The following CPEB3 variants were observed in gnomAD, a reference collection of about 807,000 sequenced individuals.
The protein encoded by CPEB3 is cytoplasmic polyadenylation element binding protein 3.
A neutral mutation model predicts 67.2 loss-of-function variants in CPEB3; 20 were observed. The ratio of observed to expected loss-of-function variants is 0.30; its 90% CI spans 0.21 to 0.43. CPEB3 has a LOEUF of 0.43. CPEB3 is among the 20% of genes least tolerant of loss of function. The pLI, the probability that CPEB3 is intolerant of heterozygous loss-of-function variation, is 1.00. For missense variants in CPEB3, 746 were observed against 968.6 expected (o/e 0.77, Z 3.05); for synonymous variants, 376 against 393.1 (o/e 0.96, Z 0.51).
At chr10:92,095,421 G>A (rs1358298943) in intron 7 of CPEB3, among the ~76,000 whole-genome samples, 1 of 151,862 alleles carries the variant, frequency 6.6e-6, no homozygotes, top group Non-Finnish European at 1.5e-5. Flanking sequence ...AAATAATATT[G>A]TGGTACTATC....
intron 2 of CPEB3, among the ~76,000 whole-genome samples, chr10:92,218,224 T>C (rs1024933779): frequency 2.6e-5 from 4 of 152,054 alleles, no homozygotes; most frequent in Admixed American, 6.6e-5. Context: ...CTGACCAACA[T>C]GGTGAAACCT....
chr10:92,195,409 T>C (rs1393702162), intron 2 of CPEB3, among the ~76,000 whole-genome samples: 1 of 152,212 alleles, frequency 6.6e-6, no homozygotes, highest in Non-Finnish European at 1.5e-5. Context: ...TTGTTTTGGT[T>C]CAAGTTATTA....
At chr10:92,246,772 T>C (rs1852089411) in intron 1 of CPEB3, among the ~76,000 whole-genome samples, 1 of 152,080 alleles carries the variant, frequency 6.6e-6, no homozygotes, top group South Asian at 2.1e-4. Context: ...CCTCCCAAAG[T>C]GCTGGGATTA....
In CPEB3 at chr10:92,071,070, T is replaced by TACACACAC. The variant is rs58497259; in HGVS notation, c.1869+10242_1869+10249dup. ...TACAGTTTTCAAAAACACTTTCATT[T>TACACACAC]ACACACACACACACACACACACACA... On this transcript the variant is annotated intron_variant, in intron 9 of 9. Coordinates refer to ENST00000265997, the MANE Select transcript of CPEB3 (RefSeq NM_014912.5). Among the ~76,000 whole-genome samples the TACACACAC allele has an allele frequency of 4.4e-3, 657 of 147,710 alleles. 3 individuals are homozygous for TACACACAC. Among genetic ancestry groups the TACACACAC allele is most frequent in the African/African-American group, 0.015 (606 of 40,238 alleles).
At chr10:92,211,348 G>A (rs1029881307) in intron 2 of CPEB3, among the ~76,000 whole-genome samples, 2 of 152,096 alleles carry the variant, frequency 1.3e-5, no homozygotes, top group African/African-American at 4.8e-5. Context: ...CTCTGTATAT[G>A]TGTATTAATA....
At chr10:92,215,892 G>A (rs1323788173) in intron 2 of CPEB3, among the ~76,000 whole-genome samples, 1 of 150,758 alleles carries the variant, frequency 6.6e-6, no homozygotes, top group Non-Finnish European at 1.5e-5. Flanking sequence ...TGGAACTACA[G>A]GTGCGTGCCA....
intron 1 of CPEB3, chr10:92,243,331 C>T (rs1050212989): frequency 6.6e-6 from 1 of 152,044 alleles, no homozygotes; most frequent in Non-Finnish European, 1.5e-5. Flanking sequence ...AAGTCCTTCA[C>T]AAGGTACTCG....
At chr10:92,278,168 G>C (rs1479457924) in intron 1 of CPEB3, among the ~76,000 whole-genome samples, 1 of 150,646 alleles carries the variant, frequency 6.6e-6, no homozygotes, top group African/African-American at 2.4e-5. Context: ...CTGGGCGACA[G>C]AGCAAGGCTC....
rs1163974877 is a variant in CPEB3 at position 92,217,206 on chromosome 10, C to CAAAAAA, written c.1005+22134_1005+22139dup. 1.2e-3 allele frequency among the ~76,000 whole-genome samples: 31 copies of CAAAAAA among 25,452 alleles called. 3 individuals carry two copies. The highest frequency in any genetic ancestry group is 4.4e-3 in the African/African-American group (24 of 5,422). The allele number at this position is 25,452 out of a possible 152,430, so 16.7% of individuals were successfully genotyped here. On this transcript the variant is annotated intron_variant, in intron 2 of 9. Transcript: ENST00000265997. ...CTGGCGACACAGCGAGACTCTGCCT[C>CAAAAAA]AAAAAAAAAAAAAAAAAAAAAAAAA...
At chr10:92,092,150 C>G (rs1490193359) in intron 7 of CPEB3, among the ~76,000 whole-genome samples, 2 of 152,186 alleles carry the variant, frequency 1.3e-5, no homozygotes, top group Admixed American at 1.3e-4. Flanking sequence ...GTACTCAGCA[C>G]TCTAGACATA....
intron 9 of CPEB3, among the ~76,000 whole-genome samples, chr10:92,074,989 A>G (rs1304558125): frequency 6.6e-6 from 1 of 152,102 alleles, no homozygotes; most frequent in Non-Finnish European, 1.5e-5. Flanking sequence ...CACATTAGTG[A>G]GTGCCTGCTG....
intron 6 of CPEB3, among the ~76,000 whole-genome samples, chr10:92,119,540 G>A (rs560469925): frequency 1.2e-4 from 18 of 152,280 alleles, no homozygotes; most frequent in Middle Eastern, 3.4e-3. Flanking sequence ...CTGGGGACTG[G>A]GGGTGAGGGT....
intron 1 of CPEB3, among the ~76,000 whole-genome samples, chr10:92,246,104 G>C (rs1435821549): frequency 2.6e-5 from 4 of 152,082 alleles, no homozygotes; most frequent in African/African-American, 7.2e-5. Context: ...GGGAGGCCAA[G>C]GCAGGCGGAT....
At position 92,204,572 on chromosome 10, in the gene CPEB3, T is replaced by G. The variant is rs926713512; in HGVS notation, c.1006-11936A>C. On this transcript the variant is annotated intron_variant, in intron 2 of 9. Transcript: ENST00000265997. ...ATTTTAAAACAGGGAACCTGGTAAG[T>G]ACCAAAGAAATTCACTCCAAGTTCA... 9.9e-5 allele frequency among the ~76,000 whole-genome samples: 15 copies of G among 152,230 alleles called. No homozygotes were observed. In the East Asian group the frequency reaches 2.9e-3, roughly 29 times the overall value.
At chr10:92,098,770 C>CTTT (rs984013045) in intron 7 of CPEB3, among the ~76,000 whole-genome samples, 14 of 124,548 alleles carry the variant, frequency 1.1e-4, no homozygotes, top group East Asian at 2.2e-4. Flanking sequence ...TTCTTTTTTT[C>CTTT]TTTTTTTTTT....
At chr10:92,128,031 T>A (rs1406815648) in intron 6 of CPEB3, among the ~76,000 whole-genome samples, 1 of 152,150 alleles carries the variant, frequency 6.6e-6, no homozygotes, top group Non-Finnish European at 1.5e-5. Context: ...GATACAGATG[T>A]CCAAATTAGC....
At chr10:92,254,317 C>T (rs577853710) in intron 1 of CPEB3, among the ~76,000 whole-genome samples, 68 of 152,142 alleles carry the variant, frequency 4.5e-4, no homozygotes, top group African/African-American at 1.6e-3. Flanking sequence ...ATTCAATATT[C>T]CCTAGGTAAC....
rs183707564 is a variant in CPEB3 at position 92,109,399 on chromosome 10, C to T, written c.1572+1677G>A. On this transcript the variant is annotated intron_variant, in intron 7 of 9. Coordinates refer to ENST00000265997, the MANE Select transcript of CPEB3 (RefSeq NM_014912.5). ...TCCCAAGTAGCTGGGATTACAGGCA[C>T]GTGCCACCACCCCCAGCTATTTTTT... Among the ~76,000 whole-genome samples, 337 of 152,126 alleles carry T rather than the reference C, an allele frequency of 2.2e-3. 1 individual carries two copies. The highest frequency in any genetic ancestry group is 7.6e-3 in the African/African-American group (315 of 41,516).
chr10:92,145,187 T>C, intron 4 of CPEB3, 102 bp from the exon 5 acceptor site: 1 of 1,337,550 alleles, frequency 7.5e-7, no homozygotes, highest in Non-Finnish European at 1.0e-6. Context: ...AAGCCCGAAG[T>C]GCAGAGAGAA....
Sources: allele counts gnomAD v4.1 joint callset (sites outside exome capture counted in the v4.1 genomes callset), GRCh38; gene constraint gnomAD v4.1.1; transcripts MANE v1.5; gene names NCBI Gene and HGNC (gene_info 2026-07-23, HGNC 2026-07-21).